Variants in PCGF6 observed in about 807,000 individuals in gnomAD.
The protein encoded by PCGF6 is polycomb group ring finger 6, also known as polycomb group RING finger protein 6.
In PCGF6, 24 loss-of-function variants were observed where a neutral mutation model predicts 45.5. That is an observed-to-expected ratio of 0.53 (90% CI 0.38 to 0.74). The LOEUF is 0.74. PCGF6 is among the 30% of genes least tolerant of loss of function. PCGF6 has a pLI of 0.00. For missense variants in PCGF6, 356 were observed against 443.2 expected (o/e 0.80, Z 1.77); for synonymous variants, 152 against 162.1 (o/e 0.94, Z 0.47).
chr10:103,315,128 G>T (rs1456524818), intron 8 of PCGF6, among the ~76,000 whole-genome samples: 1 of 152,056 alleles, frequency 6.6e-6, no homozygotes, highest in Non-Finnish European at 1.5e-5. Flanking sequence ...CTGTTTTGTA[G>T]ATGGAACAAT....
chr10:103,317,015 T>A (rs1018961186), intron 8 of PCGF6, among the ~76,000 whole-genome samples: 3 of 152,128 alleles, frequency 2.0e-5, no homozygotes, highest in South Asian at 2.1e-4. Context: ...AATTTTATTT[T>A]ATTTTATTTT....
At chr10:103,326,460 TAC>T (rs1460713032) in intron 8 of PCGF6, 72 bp downstream of exon 8, 1 of 824,494 alleles carries the variant, frequency 1.2e-6, no homozygotes. Flanking sequence ...CATGAAATCC[TAC>T]AGAGTTCTTT....
chr10:103,341,387 G>C (rs2093280156), intron 6 of PCGF6, among the ~76,000 whole-genome samples: 1 of 151,426 alleles, frequency 6.6e-6, no homozygotes, highest in African/African-American at 2.4e-5. Context: ...CTCCCAAGTA[G>C]GTAGGACTAA....
At chr10:103,349,598 A>G (rs1215799181) in intron 1 of PCGF6, among the ~76,000 whole-genome samples, 1 of 144,356 alleles carries the variant, frequency 6.9e-6, no homozygotes, top group Non-Finnish European at 1.5e-5. Flanking sequence ...CTCCTACCTC[A>G]GCCTCCTGAG....
Position 103,318,658 on chromosome 10 carries a change from G to A in PCGF6, c.910-4386C>T, listed in dbSNP as rs562212782. 8.6e-5 allele frequency among the ~76,000 whole-genome samples: 13 copies of A among 151,790 alleles called. No individual in the cohort carries two copies. In the South Asian group the frequency reaches 2.7e-3, roughly 32 times the overall value. ...TACTCAGGAGGCTGAGGCAGAGAATGGCTTGAACCTGGGAGGCAGAGGCTG... is the reference window on the plus strand; with the variant it reads ...TACTCAGGAGGCTGAGGCAGAGAATAGCTTGAACCTGGGAGGCAGAGGCTG... On this transcript the variant is annotated intron_variant, in intron 8 of 9. Transcript: ENST00000369847.
chr10:103,339,801 CAAAAA>C (rs200037917), intron 6 of PCGF6, among the ~76,000 whole-genome samples: 3 of 26,942 alleles, frequency 1.1e-4, no homozygotes, highest in South Asian at 1.6e-3. Flanking sequence ...CTGTCTGTCT[CAAAAA>C]AAAAACACAC....
chr10:103,345,027 A>G lies in PCGF6; in HGVS notation c.779T>C (p.Ile260Thr), dbSNP rs773997289. Residue 260 changes from isoleucine to threonine, a missense_variant, in exon 6 of 10, where the codon ATT (isoleucine) becomes ACT (threonine). This residue lies in a region of PCGF6 where 307 missense variants were observed against 350.1 expected (regional missense o/e 0.88). Coordinates refer to ENST00000369847, the MANE Select transcript of PCGF6 (RefSeq NM_001011663.2). ...GGTAAATTTTTAGGGTACTCACCCA[A>G]TGAACTCCAGTAATAAAGACATATC... ...ELDMSLLLEFIGANEGTGHFK... is the reference protein window; with the variant it reads ...ELDMSLLLEFTGANEGTGHFK... The G allele has an allele frequency of 1.9e-6, 3 of 1,588,714 alleles. No individual in the cohort carries two copies. The highest frequency in any genetic ancestry group is 2.6e-6 in the Non-Finnish European group (3 of 1,162,452).
chr10:103,320,718 A>T (rs1464986428), intron 8 of PCGF6, among the ~76,000 whole-genome samples: 2 of 151,534 alleles, frequency 1.3e-5, no homozygotes, highest in Non-Finnish European at 3.0e-5. Flanking sequence ...TATTTTTTAA[A>T]CTTTTGGAAT....
chr10:103,314,164 C>T (rs773231678), intron 9 of PCGF6, 22 bp downstream of exon 9: 3 of 1,487,462 alleles, frequency 2.0e-6, no homozygotes, highest in Admixed American at 1.9e-5. Flanking sequence ...ATCTGTTAGA[C>T]ATGGGTATGT....
At chr10:103,338,715 A>G (rs1157973336) in intron 6 of PCGF6, among the ~76,000 whole-genome samples, 2 of 151,638 alleles carry the variant, frequency 1.3e-5, no homozygotes, top group Non-Finnish European at 2.9e-5. Flanking sequence ...AAAAATACAA[A>G]AACTTAACCG....
chr10:103,309,774 T>TA (rs937050419), intron 9 of PCGF6, among the ~76,000 whole-genome samples: 145 of 151,350 alleles, frequency 9.6e-4, no homozygotes, highest in Middle Eastern at 6.8e-3. Context: ...TACAAAAAAT[T>TA]AAAAAAAATA....
chr10:103,335,598 T>A (rs552375990), intron 6 of PCGF6, among the ~76,000 whole-genome samples: 1 of 151,942 alleles, frequency 6.6e-6, no homozygotes, highest in Admixed American at 6.6e-5. Context: ...CTTGATCTCG[T>A]GATCTGCCCA....
At position 103,303,335 on chromosome 10, in the gene PCGF6, TCATC is replaced by T. The variant is rs531721261; in HGVS notation, c.*566_*569del. ...GAGTCTCTTCACACATAATAACAAT[TCATC>T]CATTTTGAAATGAGTAACTTCTCCT... On this transcript the variant is annotated 3_prime_UTR_variant, in exon 10 of 10. Coordinates refer to ENST00000369847, the MANE Select transcript of PCGF6 (RefSeq NM_001011663.2). The T allele has an allele frequency of 5.1e-4, 78 of 152,438 alleles. No homozygotes were observed. Among genetic ancestry groups the T allele is most frequent in the African/African-American group, 1.9e-3 (77 of 41,568 alleles). 9.4% of individuals were successfully genotyped at this position (152,438 alleles called of 1,614,324 possible).
intron 8 of PCGF6, among the ~76,000 whole-genome samples, chr10:103,319,542 A>C (rs902431552): frequency 6.6e-6 from 1 of 151,918 alleles, no homozygotes; most frequent in Non-Finnish European, 1.5e-5. Context: ...TAAATCATTC[A>C]CTTTTGTGTT....
intron 9 of PCGF6, among the ~76,000 whole-genome samples, chr10:103,312,878 G>A (rs1005092255): frequency 1.1e-4 from 17 of 151,900 alleles, no homozygotes; most frequent in African/African-American, 2.7e-4. Context: ...GGAGAATGGC[G>A]TGAACCCGGG....
intron 6 of PCGF6, among the ~76,000 whole-genome samples, chr10:103,335,758 G>C (rs2093254637): frequency 6.6e-6 from 1 of 151,914 alleles, no homozygotes; most frequent in African/African-American, 2.4e-5. Flanking sequence ...ATGAGGTCAG[G>C]AGTTCAAGAG....
At chr10:103,305,575 A>G (rs1249348519) in intron 9 of PCGF6, among the ~76,000 whole-genome samples, 1 of 151,924 alleles carries the variant, frequency 6.6e-6, no homozygotes, top group Non-Finnish European at 1.5e-5. Flanking sequence ...CCGGCCCTAG[A>G]CTTCTTAATA....
chr10:103,319,051 G>T (rs946961184), intron 8 of PCGF6, among the ~76,000 whole-genome samples: 1 of 152,188 alleles, frequency 6.6e-6, no homozygotes, highest in Admixed American at 6.6e-5. Context: ...AGGAGAAAAA[G>T]TCCTCATCTT....
chr10:103,350,858 A>T lies in PCGF6; in HGVS notation c.209T>A (p.Leu70Gln). The change falls in exon 1 of 10, where the codon CTG (leucine) becomes CAG (glutamine). Residue 70 changes from leucine (L) to glutamine (Q), a missense_variant. Physicochemically the swap from Leu to Gln is moderately radical, Grantham distance 113 (BLOSUM62 -2). Coordinates refer to ENST00000369847, the MANE Select transcript of PCGF6 (RefSeq NM_001011663.2). ...RPPELEPERSLGRFRGRFEDE... is the reference protein window; with the variant it reads ...RPPELEPERSQGRFRGRFEDE... ...CTCGAAGCGGCCTCTGAAGCGGCCCAGGCTGCGCTCCGGCTCCAGCTCAGG... is the reference window on the plus strand; with the variant it reads ...CTCGAAGCGGCCTCTGAAGCGGCCCTGGCTGCGCTCCGGCTCCAGCTCAGG... 3 of 1,541,386 alleles carry T rather than the reference A, an allele frequency of 1.9e-6. No homozygotes were observed. The highest frequency in any genetic ancestry group is 2.6e-6 in the Non-Finnish European group (3 of 1,143,946).
Sources: gnomAD v4.1 joint callset for allele counts (sites outside exome capture counted in the v4.1 genomes callset) on GRCh38, gnomAD v4.1.1 for gene constraint, gnomAD v4.1.1 regional missense constraint, MANE v1.5 for transcripts, NCBI Gene and HGNC (gene_info 2026-07-23, HGNC 2026-07-21) for gene names.